TENM4: variants seen among roughly 807,000 people sequenced by gnomAD.
TENM4 encodes the protein teneurin transmembrane protein 4.
In TENM4, 82 loss-of-function variants were observed where a neutral mutation model predicts 243.3. That is an observed-to-expected ratio of 0.34 (90% confidence interval 0.28 to 0.40). The LOEUF is 0.40. Among genes scored for constraint, TENM4 ranks in the 10% least tolerant of loss-of-function variants. The pLI is 1.00. For synonymous variants in TENM4, 1,412 were observed against 1,456.3 expected (o/e 0.97, Z 0.69); for missense variants, 3,138 against 3,673.3 (o/e 0.85, Z 3.77).
rs369008176 is a variant in TENM4, at chr11:79,327,228, A to C, written c.-320-29685T>G. On this transcript the variant is annotated intron_variant, in intron 1 of 33. Coordinates refer to ENST00000278550, the MANE Select transcript of TENM4 (RefSeq NM_001098816.3). ...AGAAATAGATAATTTTAATGGATACAGTATTTCTACAAAAATAAAACACTA... is the reference window on the plus strand; with the variant it reads ...AGAAATAGATAATTTTAATGGATACCGTATTTCTACAAAAATAAAACACTA... Among the ~76,000 whole-genome samples the C allele has an allele frequency of 9.1e-4, 139 of 152,374 alleles. 5 individuals carry two copies. In the South Asian group the frequency reaches 0.028, roughly 31 times the overall value.
rs1039304601 is a variant in TENM4 at position 79,150,209 on chromosome 11, G to T, written c.-162-1403C>A. Among the ~76,000 whole-genome samples, 26 of 152,134 alleles carry T rather than the reference G, an allele frequency of 1.7e-4. No individual in the cohort carries two copies. In the East Asian group the frequency reaches 5.0e-3, roughly 30 times the overall value. ...TGCCTCCATCATTTCTTACCTGCTT[G>T]GTTCTCACAGATCATTAAATTCCTA... is the stretch of plus-strand genomic sequence containing the variant. On this transcript the variant is annotated intron_variant, in intron 3 of 33. Transcript: ENST00000278550.
chr11:79,106,571 G>T lies in TENM4; in HGVS notation c.-65-36562C>A, dbSNP rs139853181. Among the ~76,000 whole-genome samples the T allele has an allele frequency of 2.7e-3, 416 of 152,312 alleles. 1 individual carries two copies. Among genetic ancestry groups the T allele is most frequent in the African/African-American group, 9.6e-3 (398 of 41,574 alleles). On this transcript the variant is annotated intron_variant, in intron 4 of 33. Transcript: ENST00000278550. ...ACATAGTAGGTGCTTGACAGACGTCGGTCCTCTTGCCTGTCCCTGAAGGGA... is the reference window on the plus strand; with the variant it reads ...ACATAGTAGGTGCTTGACAGACGTCTGTCCTCTTGCCTGTCCCTGAAGGGA...
rs61572486 is a variant in TENM4, at chr11:79,012,461, G to T, written c.493+52277C>A. 5.1e-3 allele frequency among the ~76,000 whole-genome samples: 771 copies of T among 152,242 alleles called. 7 individuals are homozygous for T. Among genetic ancestry groups the T allele is most frequent in the African/African-American group, 0.018 (742 of 41,544 alleles). On this transcript the variant is annotated intron_variant, in intron 6 of 33. Transcript: ENST00000278550. The stretch of plus-strand genomic sequence containing the variant: ...CAGGCAGTTCCCTCATTTGATCTTT[G>T]TAATAACCCTGAGCCCAGGAGAGTA...
chr11:78,857,669 C>T (rs1353616073), intron 10 of TENM4, among the ~76,000 whole-genome samples: 1 of 152,158 alleles, frequency 6.6e-6, no homozygotes, highest in African/African-American at 2.4e-5. Flanking sequence ...CTGTCATTAG[C>T]ATGGGAAAGA....
At chr11:79,138,416 T>C (rs1478443126) in intron 4 of TENM4, among the ~76,000 whole-genome samples, 2 of 115,764 alleles carry the variant, frequency 1.7e-5, no homozygotes, top group African/African-American at 7.1e-5. Flanking sequence ...ATAAAATATA[T>C]ATTATATTAT....
intron 3 of TENM4, among the ~76,000 whole-genome samples, chr11:79,162,969 A>G (rs1016399205): frequency 1.1e-4 from 16 of 152,352 alleles, no homozygotes; most frequent in Non-Finnish European, 1.6e-4. Flanking sequence ...TGCAGGCCCA[A>G]GGTGCGCTGC....
chr11:79,097,192 T>C (rs1289478566), intron 4 of TENM4: 1 of 152,196 alleles, frequency 6.6e-6, no homozygotes, highest in Non-Finnish European at 1.5e-5. Flanking sequence ...GGAGCCCAGG[T>C]CTAAGAACTC....
chr11:78,998,969 C>G (rs902268472), intron 6 of TENM4, among the ~76,000 whole-genome samples: 2 of 152,210 alleles, frequency 1.3e-5, no homozygotes, highest in Admixed American at 1.3e-4. Flanking sequence ...AAAAGCCAGA[C>G]AGGTTTTAAA....
intron 6 of TENM4, among the ~76,000 whole-genome samples, chr11:78,973,414 C>T (rs1857584692): frequency 6.6e-6 from 1 of 152,204 alleles, no homozygotes; most frequent in African/African-American, 2.4e-5. Flanking sequence ...ATCTGCATTT[C>T]CCCTAATGGC....
intron 28 of TENM4, among the ~76,000 whole-genome samples, chr11:78,694,317 C>T (rs1858901200): frequency 6.6e-6 from 1 of 152,174 alleles, no homozygotes; most frequent in Admixed American, 6.5e-5. Context: ...AATTATGGTT[C>T]CTGGCCCAGG....
rs145362382 is a variant in TENM4, at chr11:78,859,781, C to T, written c.1255+3181G>A. Among the ~76,000 whole-genome samples, 55 of 152,322 alleles carry T rather than the reference C, an allele frequency of 3.6e-4. No homozygotes were observed. In the South Asian group the frequency reaches 7.7e-3, roughly 21 times the overall value. ...GTTTTGGAGAGCCCAGCTGAGCCTG[C>T]GCACAGCAATTTGCATGGTTCAAAC... is the stretch of plus-strand genomic sequence containing the variant. On this transcript the variant is annotated intron_variant, in intron 10 of 33. Transcript: ENST00000278550.
Position 78,729,593 on chromosome 11 carries a change from G to A in TENM4, c.3189C>T (p.Tyr1063=), listed in dbSNP as rs749301856. 1.2e-6 allele frequency: 2 copies of A among 1,613,802 alleles called. No individual in the cohort carries two copies. Among genetic ancestry groups the A allele is most frequent in the Admixed American group, 3.3e-5 (2 of 60,012 alleles). ...TGTAGCCAGGGGTCCGGCTGCTCAG[G>A]TAGCTCAGCCTCATCTTGCAGCCAG... ...SISGCKMRLS[Y]LSSRTPGYKS... The change falls in exon 22 of 34, where the codon TAC becomes TAT. Residue 1063 remains tyrosine (Y), a synonymous_variant. Transcript: ENST00000278550.
At chr11:79,266,735 T>A (rs2135336571) in intron 2 of TENM4, among the ~76,000 whole-genome samples, 1 of 152,170 alleles carries the variant, frequency 6.6e-6, no homozygotes, top group African/African-American at 2.4e-5. Context: ...CTTTTGCTTT[T>A]TTTAGAGGCA....
chr11:79,274,900 G>C (rs1856026993), intron 2 of TENM4, among the ~76,000 whole-genome samples: 1 of 152,160 alleles, frequency 6.6e-6, no homozygotes, highest in African/African-American at 2.4e-5. Flanking sequence ...CTTCTCCCCG[G>C]GCCTCAGTTT....
chr11:78,793,177 T>C (rs1857093339), intron 15 of TENM4, among the ~76,000 whole-genome samples: 1 of 152,188 alleles, frequency 6.6e-6, no homozygotes, highest in African/African-American at 2.4e-5. Context: ...AAGCTGTGCC[T>C]TTCTCCGAAA....
At chr11:78,905,808 TG>T (rs1449957530) in intron 6 of TENM4, among the ~76,000 whole-genome samples, 1 of 152,240 alleles carries the variant, frequency 6.6e-6, no homozygotes, top group Non-Finnish European at 1.5e-5. Flanking sequence ...GGCAGAGTGG[TG>T]TCCCACTCAG....
chr11:79,136,036 G>A (rs1309732335), intron 4 of TENM4, among the ~76,000 whole-genome samples: 1 of 151,778 alleles, frequency 6.6e-6, no homozygotes, highest in Non-Finnish European at 1.5e-5. Flanking sequence ...GAACTTATGG[G>A]GAAGAGTGGG....
chr11:79,228,773 C>A (rs766037670), intron 2 of TENM4, among the ~76,000 whole-genome samples: 4 of 152,082 alleles, frequency 2.6e-5, no homozygotes, highest in African/African-American at 9.7e-5. Context: ...AAAATTGCCA[C>A]GATAGCACAG....
chr11:78,782,008 A>G (rs1856846739), intron 16 of TENM4, among the ~76,000 whole-genome samples: 1 of 152,174 alleles, frequency 6.6e-6, no homozygotes. Context: ...CCTTGTCAGC[A>G]TCTGTCTTGT....
Sources: allele counts gnomAD v4.1 joint callset (sites outside exome capture counted in the v4.1 genomes callset), GRCh38; gene constraint gnomAD v4.1.1; transcripts MANE v1.5; gene names NCBI Gene and HGNC (gene_info 2026-07-23, HGNC 2026-07-21).